Variants in CDH8 observed in about 807,000 individuals in gnomAD.
CDH8 encodes cadherin 8.
In CDH8, 17 loss-of-function variants were observed where a neutral mutation model predicts 68.1. The observed-to-expected ratio is 0.25, with a 90% CI of 0.17 to 0.37. CDH8 has a LOEUF of 0.37. Ranked by LOEUF, CDH8 falls within the 10% of genes least tolerant of loss-of-function variation. The pLI, the probability that CDH8 is intolerant of heterozygous loss-of-function variation, is 1.00. For missense variants in CDH8, 763 were observed against 999.3 expected, an observed-to-expected ratio of 0.76 and a Z score of 3.19; for synonymous variants, 372 against 365.1, an observed-to-expected ratio of 1.02 and a Z score of -0.21.
chr16:61,653,832 T>C lies in CDH8; in HGVS notation c.2176A>G (p.Asn726Asp), dbSNP rs752587930. 2 of 1,614,192 alleles carry C rather than the reference T, an allele frequency of 1.2e-6. No homozygotes were observed. Among genetic ancestry groups the C allele is most frequent in the Admixed American group, 3.3e-5 (2 of 60,022 alleles). ...TTATCTGCCTCATGCAGCCTTACAT[T>C]TATAAATTCATCGACATCAACACCA... ...PNGVDVDEFI[N>D]VRLHEADNDP... is the part of the protein sequence containing the mutation. The change falls in exon 12 of 12, where the codon AAT (asparagine) becomes GAT (aspartate). Residue 726 changes from asparagine to aspartate, a missense_variant. By Grantham distance (23) the Asn-to-Asp change is conservative. Coordinates refer to ENST00000577390, the MANE Select transcript of CDH8 (RefSeq NM_001796.5).
intron 10 of CDH8, among the ~76,000 whole-genome samples, chr16:61,672,075 G>T (rs1189997883): frequency 1.3e-5 from 2 of 151,428 alleles, no homozygotes; most frequent in South Asian, 2.1e-4. Context: ...GATTTTTTTT[G>T]AATGAGTCTT....
intron 10 of CDH8, among the ~76,000 whole-genome samples, chr16:61,656,678 T>C (rs1963454940): frequency 6.6e-6 from 1 of 152,188 alleles, no homozygotes; most frequent in Non-Finnish European, 1.5e-5. Flanking sequence ...AAGCATGTGA[T>C]CCATTTTGCA....
chr16:61,928,713 C>T (rs760055290), intron 2 of CDH8, among the ~76,000 whole-genome samples: 3 of 152,194 alleles, frequency 2.0e-5, no homozygotes, highest in Non-Finnish European at 4.4e-5. Flanking sequence ...TATAAGGACT[C>T]TTTATAGGTG....
intron 10 of CDH8, among the ~76,000 whole-genome samples, chr16:61,705,573 T>C (rs1964511360): frequency 6.6e-6 from 1 of 152,114 alleles, no homozygotes; most frequent in Admixed American, 6.5e-5. Context: ...AGCTCAGGCA[T>C]AATAAGGACA....
Position 61,820,314 on chromosome 16 carries a change from G to GTTTTT in CDH8, c.1023+607_1023+611dup, listed in dbSNP as rs545670875. Among the ~76,000 whole-genome samples, 113 of 90,772 alleles carry GTTTTT rather than the reference G, an allele frequency of 1.2e-3. 6 individuals are homozygous for GTTTTT. Among genetic ancestry groups the GTTTTT allele is most frequent in the Non-Finnish European group, 1.6e-3 (77 of 48,648 alleles). 59.5% of individuals were successfully genotyped at this position (90,772 alleles called of 152,430 possible). On this transcript the variant is annotated intron_variant, in intron 6 of 11. Coordinates refer to ENST00000577390, the MANE Select transcript of CDH8 (RefSeq NM_001796.5). ...TGAACCTGAATGTTCTGCCTGTTTG[G>GTTTTT]TTTTTTTTTTTTTTTTTTTTTTTTT...
At chr16:61,815,458 C>CT (rs1279198511) in intron 7 of CDH8, among the ~76,000 whole-genome samples, 11 of 152,282 alleles carry the variant, frequency 7.2e-5, no homozygotes, top group South Asian at 2.1e-4. Context: ...TTATAGCTAG[C>CT]TCTGCCAATA....
At chr16:62,024,410 C>T (rs985297281) in intron 1 of CDH8, among the ~76,000 whole-genome samples, 1 of 152,134 alleles carries the variant, frequency 6.6e-6, no homozygotes, top group African/African-American at 2.4e-5. Context: ...TGCAAGTATA[C>T]TCTGGCATCT....
chr16:61,684,133 G>A (rs1469707051), intron 10 of CDH8, among the ~76,000 whole-genome samples: 1 of 151,852 alleles, frequency 6.6e-6, no homozygotes, highest in Non-Finnish European at 1.5e-5. Flanking sequence ...CAAATATATG[G>A]GATTTTGTAG....
intron 3 of CDH8, among the ~76,000 whole-genome samples, chr16:61,898,278 A>G (rs1963904538): frequency 6.6e-6 from 1 of 152,098 alleles, no homozygotes; most frequent in Non-Finnish European, 1.5e-5. Flanking sequence ...CCAGCCTGGG[A>G]AACAAAATAA....
At chr16:61,969,053 C>G (rs1035802673) in intron 2 of CDH8, among the ~76,000 whole-genome samples, 4 of 152,144 alleles carry the variant, frequency 2.6e-5, no homozygotes, top group Non-Finnish European at 5.9e-5. Context: ...CAAAAAGGAA[C>G]TGAAATAAAA....
chr16:61,775,181 T>C (rs938391410), intron 8 of CDH8, among the ~76,000 whole-genome samples: 8 of 152,076 alleles, frequency 5.3e-5, no homozygotes, highest in South Asian at 4.1e-4. Context: ...CTGAGCAACA[T>C]AGGGAGATCC....
chr16:61,959,978 GTGTGTGTATATA>G lies in CDH8; in HGVS notation c.253-58517_253-58506del, dbSNP rs1410243387. The stretch of plus-strand genomic sequence containing the variant: ...TTCTCTGTATGTGGTGTATGTGTGT[GTGTGTGTATATA>G]TATATATATATATATATATATATAT... On this transcript the variant is annotated intron_variant, in intron 2 of 11. Coordinates refer to ENST00000577390, the MANE Select transcript of CDH8 (RefSeq NM_001796.5). Among the ~76,000 whole-genome samples the G allele has an allele frequency of 9.0e-4, 42 of 46,514 alleles. 3 individuals are homozygous for G. The East Asian group carries it at 0.034, about 38-fold the overall frequency. The allele number at this position is 46,514 out of a possible 152,430, so 30.5% of individuals were successfully genotyped here. A position where few individuals can be genotyped will look rare whatever the true frequency, so the allele number is the denominator to read the frequency against.
chr16:61,809,348 T>C (rs1961883326), intron 7 of CDH8, among the ~76,000 whole-genome samples: 3 of 152,092 alleles, frequency 2.0e-5, no homozygotes, highest in Non-Finnish European at 4.4e-5. Flanking sequence ...AAGGTGACTT[T>C]CCTGCATGTT....
At chr16:61,998,724 G>C (rs544238332) in intron 2 of CDH8, among the ~76,000 whole-genome samples, 8 of 152,258 alleles carry the variant, frequency 5.3e-5, no homozygotes, top group African/African-American at 1.9e-4. Context: ...TTGTCATCCA[G>C]AAAAAAGCTA....
At chr16:61,894,097 C>T (rs1031838993) in intron 3 of CDH8, among the ~76,000 whole-genome samples, 1 of 152,146 alleles carries the variant, frequency 6.6e-6, no homozygotes, top group African/African-American at 2.4e-5. Context: ...AGATGCAGGG[C>T]AAACACTTCC....
rs578153748 is a variant in CDH8 at position 61,961,009 on chromosome 16, G to C, written c.253-59536C>G. On this transcript the variant is annotated intron_variant, in intron 2 of 11. Coordinates refer to ENST00000577390, the MANE Select transcript of CDH8 (RefSeq NM_001796.5). ...ACCCCGCCCCTTAAAGAAGACAGAAGGATCTCTATAAGAACAGGAATTGGG... is the reference window on the plus strand; with the variant it reads ...ACCCCGCCCCTTAAAGAAGACAGAACGATCTCTATAAGAACAGGAATTGGG... Among the ~76,000 whole-genome samples the C allele has an allele frequency of 5.3e-5, 8 of 152,206 alleles. No individual in the cohort carries two copies. The East Asian group carries it at 1.5e-3, about 29-fold the overall frequency.
chr16:61,778,500 A>G (rs964927583), intron 8 of CDH8, among the ~76,000 whole-genome samples: 2 of 152,154 alleles, frequency 1.3e-5, no homozygotes, highest in Admixed American at 1.3e-4. Context: ...TTGTTGTGGG[A>G]AGGGGCAGGG....
chr16:61,748,843 T>C (rs1386896149), intron 8 of CDH8, among the ~76,000 whole-genome samples: 2 of 152,192 alleles, frequency 1.3e-5, no homozygotes, highest in East Asian at 1.9e-4. Flanking sequence ...AGGGAAACTT[T>C]ATCTACTCTC....
intron 2 of CDH8, among the ~76,000 whole-genome samples, chr16:61,968,396 A>T (rs1324666580): frequency 6.6e-6 from 1 of 152,176 alleles, no homozygotes; most frequent in Non-Finnish European, 1.5e-5. Flanking sequence ...AAGGTGATAA[A>T]GGTTCTCTCA....
Sources: allele counts gnomAD v4.1 joint callset (sites outside exome capture counted in the v4.1 genomes callset), GRCh38; gene constraint gnomAD v4.1.1; transcripts MANE v1.5; gene names NCBI Gene and HGNC (gene_info 2026-07-23, HGNC 2026-07-21).